The following WNK2 variants were observed in gnomAD, a reference collection of about 807,000 sequenced individuals.
The protein encoded by WNK2 is serine/threonine-protein kinase WNK2.
WNK2 carries 67 observed loss-of-function variants against 192.1 expected under a neutral mutation model. That is an observed-to-expected ratio of 0.35 (90% CI 0.29 to 0.43). The LOEUF is 0.43. WNK2 is among the 20% of genes least tolerant of loss of function. The pLI, the probability that WNK2 is intolerant of heterozygous loss-of-function variation, is 1.00. For missense variants in WNK2, 2,698 were observed against 3,089.7 expected (o/e 0.87, Z 3.01); for synonymous variants, 1,439 against 1,393.9 (o/e 1.03, Z -0.72).
chr9:93,246,321 G>A (rs986065342), intron 7 of WNK2, among the ~76,000 whole-genome samples: 4 of 152,114 alleles, frequency 2.6e-5, no homozygotes, highest in African/African-American at 7.2e-5. Flanking sequence ...TTAGAGCCGC[G>A]CTGCATTCCT....
rs1457455150 is a variant in WNK2, at chr9:93,299,159, G to A, written c.6013G>A (p.Gly2005Arg). The A allele has an allele frequency of 6.8e-6, 11 of 1,611,286 alleles. No individual in the cohort carries two copies. Among genetic ancestry groups the A allele is most frequent in the South Asian group, 2.2e-5 (2 of 91,020 alleles). The change falls in exon 25 of 30, where the codon GGG becomes AGG. Residue 2005 changes from glycine (G) to arginine (R), a missense_variant. Gly to Arg is a moderately radical substitution (Grantham distance 125). Transcript: ENST00000427277. ...GLTADSTGLS[G>R]KAVQTQQPCS... ...CACTGCAGACAGCACGGGCCTGAGC[G>A]GGAAGGCAGTGCAGACCCAGCAGCC...
intron 16 of WNK2, 65 bp downstream of exon 16, chr9:93,264,098 C>A: frequency 1.6e-6 from 2 of 1,241,970 alleles, no homozygotes; most frequent in Non-Finnish European, 2.3e-6. Context: ...CTGAGCAGAG[C>A]GCCACAGGTC....
At chr9:93,305,352 C>T (rs1014373401) in intron 26 of WNK2, among the ~76,000 whole-genome samples, 2 of 152,194 alleles carry the variant, frequency 1.3e-5, no homozygotes, top group African/African-American at 2.4e-5. Context: ...GAAAACCAGC[C>T]ATACCTCCCC....
intron 20 of WNK2, 112 bp from the exon 21 acceptor site, chr9:93,289,866 T>A: frequency 8.8e-7 from 1 of 1,132,552 alleles, no homozygotes; most frequent in Non-Finnish European, 1.3e-6. Context: ...ACACAGGGGC[T>A]GGGGCAGCCC....
rs1839679503 is a variant in WNK2 at position 93,235,607 on chromosome 9, G to A, written c.1233+642G>A. On this transcript the variant is annotated intron_variant, in intron 5 of 29. Coordinates refer to ENST00000427277, the MANE Select transcript of WNK2 (RefSeq NM_006648.4). ...GGAGGGAATGCAAACAGAACATCTG[G>A]AAATGGAATGGCCAGGCCAAGGCTT... 2.0e-5 allele frequency among the ~76,000 whole-genome samples: 3 copies of A among 152,224 alleles called. No homozygotes were observed. In the South Asian group the frequency reaches 6.2e-4, roughly 32 times the overall value.
At chr9:93,298,776 A>G (rs899931948) in intron 24 of WNK2, among the ~76,000 whole-genome samples, 5 of 152,234 alleles carry the variant, frequency 3.3e-5, no homozygotes, top group Non-Finnish European at 7.3e-5. Context: ...CCCAGAGCTA[A>G]GGGAAGACTG....
chr9:93,287,092 A>G (rs1180271074), intron 19 of WNK2, among the ~76,000 whole-genome samples: 1 of 152,250 alleles, frequency 6.6e-6, no homozygotes, highest in African/African-American at 2.4e-5. Context: ...GCCACACAAC[A>G]TAGTGCCTAT....
rs771370673 is a variant in WNK2 at position 93,289,514 on chromosome 9, C to A, written c.4760C>A (p.Pro1587His). 6.2e-7 allele frequency: 1 copy of A among 1,602,660 alleles called. No homozygotes were observed. The highest frequency in any genetic ancestry group is 1.1e-5 in the South Asian group (1 of 90,680). ...GGCGACAGAGACTTCACCCTGGAGC[C>A]CCTGAGAGGGGACCAGCCCCGCTCA... The part of the protein sequence containing the change: ...EVGDRDFTLE[P>H]LRGDQPRSEV... Residue 1587 changes from proline to histidine, a missense_variant, in exon 20 of 30, where the codon CCC becomes CAC. Physicochemically the swap from Pro to His is moderately conservative, Grantham distance 77 (BLOSUM62 -2). Transcript: ENST00000427277.
chr9:93,313,285 C>G (rs2134371239), intron 28 of WNK2, among the ~76,000 whole-genome samples: 1 of 151,812 alleles, frequency 6.6e-6, no homozygotes, highest in East Asian at 1.9e-4. Context: ...GATTTTAGGT[C>G]ACTAAATTTT....
At chr9:93,275,059 T>TCA in intron 19 of WNK2, among the ~76,000 whole-genome samples, 1 of 66,712 alleles carries the variant, frequency 1.5e-5, no homozygotes, top group South Asian at 7.9e-4. Context: ...CAGCACTATA[T>TCA]TAAAAGGACA....
At chr9:93,241,546 G>A (rs1281119030) in intron 7 of WNK2, among the ~76,000 whole-genome samples, 1 of 152,092 alleles carries the variant, frequency 6.6e-6, no homozygotes, top group Non-Finnish European at 1.5e-5. Context: ...CTCCAGGCCG[G>A]GCTGGGTCTC....
intron 4 of WNK2, among the ~76,000 whole-genome samples, chr9:93,232,453 G>A (rs770689791): frequency 2.6e-5 from 4 of 152,210 alleles, no homozygotes; most frequent in Non-Finnish European, 5.9e-5. Flanking sequence ...CATGCCCAGG[G>A]CTTTGAGCTC....
chr9:93,224,979 T>G (rs1017001658), intron 2 of WNK2, among the ~76,000 whole-genome samples: 4 of 152,186 alleles, frequency 2.6e-5, no homozygotes, highest in Non-Finnish European at 4.4e-5. Flanking sequence ...GAGTTGCTCC[T>G]GTAATGCAGG....
At chr9:93,301,397 C>T (rs1272833361) in intron 26 of WNK2, among the ~76,000 whole-genome samples, 3 of 152,168 alleles carry the variant, frequency 2.0e-5, no homozygotes, top group South Asian at 2.1e-4. Context: ...CATCATTCTC[C>T]GGGCAGGCAA....
rs539303372 is a variant in WNK2, at chr9:93,209,192, G to T, written c.682-20504G>T. ...GTGGGGCCAGCTCCACCCCAGGTAG[G>T]TGCGAGCACCTGGCGGCCTCCCTAG... On this transcript the variant is annotated intron_variant, in intron 2 of 29. Coordinates refer to ENST00000427277, the MANE Select transcript of WNK2 (RefSeq NM_006648.4). 3.3e-5 allele frequency among the ~76,000 whole-genome samples: 5 copies of T among 152,290 alleles called. No homozygotes were observed. In the East Asian group the frequency reaches 5.8e-4, roughly 18 times the overall value.
intron 2 of WNK2, among the ~76,000 whole-genome samples, chr9:93,194,377 A>G (rs963951650): frequency 6.6e-6 from 1 of 152,054 alleles, no homozygotes. Flanking sequence ...TAAGAAAACA[A>G]TCAGCTAAAA....
At chr9:93,197,800 G>A (rs1831543038) in intron 2 of WNK2, among the ~76,000 whole-genome samples, 1 of 152,190 alleles carries the variant, frequency 6.6e-6, no homozygotes, top group Non-Finnish European at 1.5e-5. Context: ...TAGGATTATA[G>A]GCATGAGCCA....
In WNK2 at chr9:93,259,552, C is replaced by A; in HGVS notation, c.3004C>A (p.Pro1002Thr). ...CCCGCAGCCGGCACTGCCTGTGCGC[C>A]CTGAGCCCCTCCAGCCCCACCTTCC... ...LPPQPALPVR[P>T]EPLQPHLPEQ... is the part of the protein sequence containing the mutation. The change falls in exon 12 of 30, where the codon CCT (proline) becomes ACT (threonine). Residue 1002 changes from proline (P) to threonine (T), a missense_variant. Pro to Thr is a conservative substitution (Grantham distance 38). This residue lies in a region of WNK2 where 893 missense variants were observed against 909.0 expected (regional missense o/e 0.98). Coordinates refer to ENST00000427277, the MANE Select transcript of WNK2 (RefSeq NM_006648.4). This position sits in a 1 kb window ranked among gnomAD's most constrained non-coding sequence, Gnocchi z 4.8. 6.3e-7 allele frequency: 1 copy of A among 1,594,800 alleles called. No individual in the cohort carries two copies. Among genetic ancestry groups the A allele is most frequent in the Non-Finnish European group, 8.5e-7 (1 of 1,177,170 alleles).
rs76391254 is a variant in WNK2 at position 93,254,409 on chromosome 9, C to T, written c.2034+1327C>T. 8.5e-3 allele frequency among the ~76,000 whole-genome samples: 1,290 copies of T among 152,312 alleles called. 9 individuals carry two copies. Among genetic ancestry groups the T allele is most frequent in the Middle Eastern group, 0.027 (8 of 294 alleles). ...GCGCTGTGGCCCGTCTTCTTGATGT[C>T]GGCTGAGCGTGGGCACATGGGCTGT... On this transcript the variant is annotated intron_variant, in intron 9 of 29. Transcript: ENST00000427277.
Sources: allele counts gnomAD v4.1 joint callset (sites outside exome capture counted in the v4.1 genomes callset), GRCh38; gene constraint gnomAD v4.1.1; regional missense constraint gnomAD v4.1.1; non-coding constraint Gnocchi (gnomAD v3.1); transcripts MANE v1.5; gene names NCBI Gene and HGNC (gene_info 2026-07-23, HGNC 2026-07-21).